Variants in GPHN observed in about 807,000 individuals in gnomAD.
GPHN encodes gephyrin.
A neutral mutation model predicts 95.5 loss-of-function variants in GPHN; 17 were observed. The observed-to-expected ratio is 0.18, with a 90% CI of 0.12 to 0.27. The LOEUF is 0.27. GPHN is among the 10% of genes least tolerant of loss of function. GPHN has a pLI of 1.00. For missense variants in GPHN, 660 were observed against 978.1 expected (o/e 0.67, Z 4.34); for synonymous variants, 320 against 322.5 (o/e 0.99, Z 0.08).
At chr14:66,528,914 C>A (rs772769418) in intron 1 of GPHN, among the ~76,000 whole-genome samples, 18 of 152,152 alleles carry the variant, frequency 1.2e-4, no homozygotes, top group Non-Finnish European at 2.4e-4. Context: ...TTCATTTCAA[C>A]CTCAGTGAAT....
chr14:67,099,994 C>G (rs1382538116), intron 12 of GPHN, among the ~76,000 whole-genome samples: 3 of 151,956 alleles, frequency 2.0e-5, no homozygotes, highest in African/African-American at 4.8e-5. Flanking sequence ...GTCAAGAAAA[C>G]TCTTTGAATC....
chr14:67,729,692 T>C, the GPHN span: 2 of 561,670 alleles, frequency 3.6e-6, no homozygotes, highest in African/African-American at 1.9e-5. Context: ...ATCGTTTTTC[T>C]CCTTCTTTAA....
chr14:67,565,954 T>G, the GPHN span, among the ~76,000 whole-genome samples: 1 of 152,142 alleles, frequency 6.6e-6, no homozygotes, highest in Non-Finnish European at 1.5e-5. Flanking sequence ...ACCCCATCTC[T>G]ACTAAAAATA....
the GPHN span, chr14:67,395,251 C>G: frequency 1.6e-6 from 1 of 644,390 alleles, no homozygotes. Flanking sequence ...ATAATATACA[C>G]AGGACAGGAA....
intron 2 of GPHN, among the ~76,000 whole-genome samples, chr14:66,699,480 C>G (rs571933872): frequency 5.1e-4 from 77 of 152,074 alleles, no homozygotes; most frequent in African/African-American, 1.6e-3. Flanking sequence ...AAGATAGTGA[C>G]TCGATGTTGA....
intron 10 of GPHN, among the ~76,000 whole-genome samples, chr14:67,047,366 G>GTTT (rs1196897917): frequency 2.8e-5 from 3 of 108,776 alleles, no homozygotes; most frequent in African/African-American, 6.6e-5. Flanking sequence ...GTGTGTGTTT[G>GTTT]TTTTTTTTTT....
chr14:67,670,754 G>A, the GPHN span, among the ~76,000 whole-genome samples: 1 of 152,048 alleles, frequency 6.6e-6, no homozygotes, highest in African/African-American at 2.4e-5. Context: ...GTCTCCATCC[G>A]TGACCTTGTG....
chr14:67,725,896 T>G, the GPHN span, among the ~76,000 whole-genome samples: 1 of 152,172 alleles, frequency 6.6e-6, no homozygotes, highest in Non-Finnish European at 1.5e-5. Flanking sequence ...AATACCTTGT[T>G]TTAAAAGGAA....
chr14:67,648,298 T>A, the GPHN span: 1 of 1,201,534 alleles, frequency 8.3e-7, no homozygotes, highest in Non-Finnish European at 1.1e-6. Context: ...TGTTTTTGCT[T>A]AAACTTTTGT....
intron 18 of GPHN, among the ~76,000 whole-genome samples, chr14:67,152,180 A>G (rs186104847): frequency 6.6e-6 from 1 of 152,334 alleles, no homozygotes; most frequent in African/African-American, 2.4e-5. Context: ...TATAACTTCT[A>G]TATTCTACCT....
At chr14:67,334,483 C>CAATT in the GPHN span, 2 of 152,542 alleles carry the variant, frequency 1.3e-5, no homozygotes, top group Admixed American at 6.5e-5. Context: ...TTAACATAAG[C>CAATT]AATTATGTTT....
the GPHN span, among the ~76,000 whole-genome samples, chr14:67,374,892 A>G: frequency 1.3e-5 from 2 of 152,178 alleles, no homozygotes; most frequent in East Asian, 1.9e-4. Flanking sequence ...AAGTGAGCCA[A>G]TGCACTTGGC....
chr14:66,971,290 T>C (rs2069755503), intron 9 of GPHN, among the ~76,000 whole-genome samples: 2 of 152,152 alleles, frequency 1.3e-5, no homozygotes, highest in African/African-American at 2.4e-5. Flanking sequence ...ATCATGCCAT[T>C]ACACTCCAGC....
chr14:66,516,364 A>G (rs1475985419), intron 1 of GPHN, among the ~76,000 whole-genome samples: 1 of 152,124 alleles, frequency 6.6e-6, no homozygotes, highest in African/African-American at 2.4e-5. Context: ...TTACTGTGAC[A>G]TGATAGTATG....
the GPHN span, among the ~76,000 whole-genome samples, chr14:67,318,196 A>G: frequency 6.6e-6 from 1 of 152,236 alleles, no homozygotes; most frequent in African/African-American, 2.4e-5. Context: ...TATGTAATTT[A>G]TAAGGCTTTT....
At chr14:66,779,569 G>A (rs1266345610) in intron 3 of GPHN, among the ~76,000 whole-genome samples, 1 of 152,096 alleles carries the variant, frequency 6.6e-6, no homozygotes, top group Non-Finnish European at 1.5e-5. Context: ...GTTAACTGAT[G>A]AAGATAAACC....
At chr14:67,410,773 A>T in the GPHN span, among the ~76,000 whole-genome samples, 5 of 152,224 alleles carry the variant, frequency 3.3e-5, no homozygotes, top group African/African-American at 1.2e-4. Context: ...TCAGTAGAAG[A>T]ACCAGAAAGC....
At chr14:67,030,827 C>G (rs1044326899) in intron 10 of GPHN, among the ~76,000 whole-genome samples, 5 of 152,130 alleles carry the variant, frequency 3.3e-5, no homozygotes, top group African/African-American at 1.2e-4. Context: ...CCATGACTCT[C>G]TCTCAATAAG....
At chr14:66,563,363 A>T (rs575709569) in intron 1 of GPHN, among the ~76,000 whole-genome samples, 104 of 152,214 alleles carry the variant, frequency 6.8e-4, no homozygotes, top group Non-Finnish European at 1.3e-3. Context: ...TTCTTTTTTG[A>T]TAGGTCTACT....
Sources: allele counts gnomAD v4.1 joint callset (sites outside exome capture counted in the v4.1 genomes callset), GRCh38; gene constraint gnomAD v4.1.1; transcripts MANE v1.5; gene names NCBI Gene and HGNC (gene_info 2026-07-23, HGNC 2026-07-21).